Variants in CFAP54 observed in about 807,000 individuals in gnomAD.
The protein encoded by CFAP54 is cilia- and flagella-associated protein 54.
In CFAP54, 290 loss-of-function variants were observed where a neutral mutation model predicts 370.4. That is an observed-to-expected ratio of 0.78 (90% CI 0.71 to 0.86). CFAP54 has a LOEUF of 0.86. Among genes scored for constraint, CFAP54 ranks in the 40% least tolerant of loss-of-function variants. CFAP54 has a pLI of 0.00. For missense variants in CFAP54, 3,399 were observed against 3,528.7 expected (o/e 0.96, Z 0.93); for synonymous variants, 1,206 against 1,236.5 (o/e 0.98, Z 0.52).
chr12:96,821,702 T>TAAAA (rs10577712), intron 65 of CFAP54, among the ~76,000 whole-genome samples: 1 of 131,902 alleles, frequency 7.6e-6, no homozygotes, highest in African/African-American at 2.8e-5. Context: ...AGCACTTTAT[T>TAAAA]AAAAAAAAAA....
intron 42 of CFAP54, among the ~76,000 whole-genome samples, chr12:96,686,627 C>T (rs948101434): frequency 1.1e-4 from 16 of 152,052 alleles, no homozygotes; most frequent in Non-Finnish European, 1.8e-4. Flanking sequence ...TTTTAAACAA[C>T]CAGATGTGAT....
chr12:96,801,996 A>G (rs1314397879), intron 63 of CFAP54, among the ~76,000 whole-genome samples: 1 of 152,066 alleles, frequency 6.6e-6, no homozygotes, highest in Non-Finnish European at 1.5e-5. Context: ...CACTTCCTAC[A>G]GCTTCTTGCT....
chr12:96,757,556 A>G lies in CFAP54; in HGVS notation c.8008A>G (p.Ile2670Val), dbSNP rs745528213. The G allele has an allele frequency of 1.6e-5, 25 of 1,598,156 alleles. 2 individuals are homozygous for G. The highest frequency in any genetic ancestry group is 1.0e-4 in the South Asian group (9 of 89,656). ...LLYFHLKKPK[I>V]KISGSPLTLK... ...GTATTTTCATCTGAAGAAGCCAAAG[A>G]TAAAAATTTCAGGATCACCATTAAC... is the stretch of plus-strand genomic sequence containing the variant. Residue 2670 changes from isoleucine (I) to valine (V), a missense_variant, in exon 58 of 68, where the codon ATA (isoleucine) becomes GTA (valine). This residue lies in a region of CFAP54 where 2,796 missense variants were observed against 2,869.7 expected (regional missense o/e 0.97). Transcript: ENST00000524981.
At chr12:96,507,362 A>G (rs1955114428) in intron 4 of CFAP54, among the ~76,000 whole-genome samples, 1 of 152,206 alleles carries the variant, frequency 6.6e-6, no homozygotes, top group African/African-American at 2.4e-5. Flanking sequence ...GCCGCAGTTA[A>G]CAAGTAAATA....
intron 39 of CFAP54, among the ~76,000 whole-genome samples, chr12:96,673,107 A>C (rs1013344164): frequency 6.6e-6 from 1 of 152,194 alleles, no homozygotes; most frequent in Non-Finnish European, 1.5e-5. Flanking sequence ...GAATAGATAA[A>C]ATTTTCTAAA....
At position 96,679,609 on chromosome 12, in the gene CFAP54, G is replaced by C. The variant is rs150086566; in HGVS notation, c.5573G>C (p.Arg1858Pro). The change falls in exon 40 of 68, where the codon CGA becomes CCA. Residue 1858 changes from arginine to proline, a missense_variant. By Grantham distance (103) the Arg-to-Pro change is moderately radical (BLOSUM62 -2). Coordinates refer to ENST00000524981, the MANE Select transcript of CFAP54 (RefSeq NM_001306084.2). ...LKMLISSEYS[R>P]AKALVCVPVD... ...TTTTCTTTCCTTTCAGAATACAGCC[G>C]AGCCAAAGCGCTTGTCTGCGTGCCC... 6.2e-7 allele frequency: 1 copy of C among 1,611,320 alleles called. No homozygotes were observed. Among genetic ancestry groups the C allele is most frequent in the Non-Finnish European group, 8.5e-7 (1 of 1,178,772 alleles).
intron 60 of CFAP54, among the ~76,000 whole-genome samples, chr12:96,780,350 T>C (rs1392537603): frequency 6.6e-6 from 1 of 152,156 alleles, no homozygotes; most frequent in African/African-American, 2.4e-5. Flanking sequence ...TTTTTGTGTA[T>C]AGTGTGAGGC....
chr12:96,587,216 G>A (rs1007511733), intron 22 of CFAP54, among the ~76,000 whole-genome samples: 1 of 151,966 alleles, frequency 6.6e-6, no homozygotes, highest in African/African-American at 2.4e-5. Context: ...TGGAGTTTGG[G>A]GAAGGGGTCT....
intron 48 of CFAP54, among the ~76,000 whole-genome samples, chr12:96,711,919 A>G (rs904466234): frequency 2.0e-5 from 3 of 152,122 alleles, no homozygotes; most frequent in African/African-American, 7.2e-5. Context: ...TTCTGTAAAC[A>G]TTATTATACA....
intron 60 of CFAP54, among the ~76,000 whole-genome samples, chr12:96,780,334 A>G (rs969987228): frequency 3.3e-5 from 5 of 152,294 alleles, no homozygotes; most frequent in African/African-American, 1.2e-4. Flanking sequence ...GTTCACCCAG[A>G]ATCTATTTTT....
chr12:96,538,559 T>G lies in CFAP54; in HGVS notation c.1926+41T>G, dbSNP rs918901282. 2.0e-6 allele frequency: 3 copies of G among 1,526,476 alleles called. No individual in the cohort carries two copies. In the East Asian group the frequency reaches 7.4e-5, roughly 37 times the overall value. 94.6% of individuals were successfully genotyped at this position (1,526,476 alleles called of 1,614,324 possible). Reference sequence around the variant, plus strand: ...TCCCTTTCACGTGTTTTTTTTGCTATTGCTTATTCAAGTTGCCACACACAT... The same window carrying G: ...TCCCTTTCACGTGTTTTTTTTGCTAGTGCTTATTCAAGTTGCCACACACAT... On this transcript the variant is annotated intron_variant, in intron 13 of 67. Coordinates refer to ENST00000524981, the MANE Select transcript of CFAP54 (RefSeq NM_001306084.2).
rs1209423438 is a variant in CFAP54 at position 96,848,292 on chromosome 12, C to T, written c.9172-12527C>T. On this transcript the variant is annotated intron_variant, in intron 66 of 67. Transcript: ENST00000524981. ...GTTTCACCATGTTGGCCAGACTGGT[C>T]TTGAACTCCTTACCTCAAATGATCC... 2.0e-5 allele frequency among the ~76,000 whole-genome samples: 3 copies of T among 151,994 alleles called. No individual in the cohort carries two copies. The South Asian group carries it at 6.3e-4, about 32-fold the overall frequency.
chr12:96,810,071 T>C (rs948688782), intron 63 of CFAP54, among the ~76,000 whole-genome samples: 2 of 151,152 alleles, frequency 1.3e-5, no homozygotes, highest in Non-Finnish European at 2.9e-5. Context: ...AAAGGAGGAG[T>C]CTCCAGGTTG....
intron 55 of CFAP54, among the ~76,000 whole-genome samples, chr12:96,747,117 A>G (rs1330656725): frequency 6.6e-6 from 1 of 152,158 alleles, no homozygotes; most frequent in Non-Finnish European, 1.5e-5. Flanking sequence ...TATCCCGGGC[A>G]CCTAGCACAG....
intron 64 of CFAP54, among the ~76,000 whole-genome samples, chr12:96,815,247 C>G (rs570240344): frequency 6.6e-6 from 1 of 152,322 alleles, no homozygotes; most frequent in East Asian, 1.9e-4. Flanking sequence ...GATTGCCATT[C>G]TAACTGGTGT....
At chr12:96,534,581 C>G (rs757034290) in intron 11 of CFAP54, among the ~76,000 whole-genome samples, 11 of 152,182 alleles carry the variant, frequency 7.2e-5, no homozygotes, top group Non-Finnish European at 1.3e-4. Flanking sequence ...ACAAAGTCAT[C>G]AGTTCATGTT....
intron 32 of CFAP54, 130 bp downstream of exon 32, chr12:96,630,781 C>A: frequency 2.2e-6 from 1 of 451,314 alleles, no homozygotes; most frequent in South Asian, 6.6e-5. Flanking sequence ...AACTTACATA[C>A]TAATGAAAAA....
intron 66 of CFAP54, among the ~76,000 whole-genome samples, chr12:96,858,295 T>A (rs1264150726): frequency 6.6e-6 from 1 of 152,230 alleles, no homozygotes; most frequent in Non-Finnish European, 1.5e-5. Context: ...ATGTATGTCT[T>A]CTTTTGAAGT....
intron 66 of CFAP54, among the ~76,000 whole-genome samples, chr12:96,829,541 C>A (rs930017051): frequency 2.6e-5 from 4 of 151,774 alleles, no homozygotes; most frequent in Non-Finnish European, 5.9e-5. Flanking sequence ...GTTTCTTTTA[C>A]GTATTTGTTG....
Sources: allele counts gnomAD v4.1 joint callset (sites outside exome capture counted in the v4.1 genomes callset), GRCh38; gene constraint gnomAD v4.1.1; regional missense constraint gnomAD v4.1.1; transcripts MANE v1.5; gene names NCBI Gene and HGNC (gene_info 2026-07-23, HGNC 2026-07-21).